FERRY3: variants seen among roughly 807,000 people sequenced by gnomAD.
The protein encoded by FERRY3 is protein C12orf4.
chr12:4,491,255 TAA>T, the FERRY3 span: 1 of 1,598,290 alleles, frequency 6.3e-7, no homozygotes, highest in Middle Eastern at 1.7e-4. Context: ...AAACAAAACA[TAA>T]GATATGTTTT....
At chr12:4,531,672 C>G in the FERRY3 span, among the ~76,000 whole-genome samples, 2 of 152,210 alleles carry the variant, frequency 1.3e-5, no homozygotes, top group African/African-American at 4.8e-5. Context: ...CCTCCACTTT[C>G]AGGCATAACG....
chr12:4,534,034 TATAGA>T, the FERRY3 span: 4 of 1,066,354 alleles, frequency 3.8e-6, no homozygotes, highest in Non-Finnish European at 3.9e-6. Context: ...ACATATACAT[TATAGA>T]ATATTGTATG....
the FERRY3 span, among the ~76,000 whole-genome samples, chr12:4,521,578 C>T: frequency 3.9e-5 from 6 of 152,008 alleles, no homozygotes; most frequent in Non-Finnish European, 8.8e-5. Flanking sequence ...TAGCAAAGAG[C>T]GAAAACAATT....
At chr12:4,515,719 A>C in the FERRY3 span, among the ~76,000 whole-genome samples, 2 of 152,216 alleles carry the variant, frequency 1.3e-5, no homozygotes, top group Non-Finnish European at 2.9e-5. Context: ...TTAGTTCTGG[A>C]AATCTAATGT....
chr12:4,511,468 A>G, the FERRY3 span, among the ~76,000 whole-genome samples: 18 of 152,068 alleles, frequency 1.2e-4, no homozygotes, highest in African/African-American at 4.1e-4. Flanking sequence ...ACCTATTCCA[A>G]AATTGACCAC....
the FERRY3 span, chr12:4,489,603 CTTTAAGTG>C: frequency 2.7e-6 from 1 of 373,948 alleles, no homozygotes; most frequent in Non-Finnish European, 4.8e-6. Context: ...CATAAAGAGA[CTTTAAGTG>C]TTTAAGTTAG....
the FERRY3 span, among the ~76,000 whole-genome samples, chr12:4,536,383 A>C: frequency 6.6e-6 from 1 of 152,098 alleles, no homozygotes. Flanking sequence ...TCATGATGAA[A>C]ACAAAGTGCT....
chr12:4,504,170 A>AAT, the FERRY3 span, among the ~76,000 whole-genome samples: 1 of 152,342 alleles, frequency 6.6e-6, no homozygotes, highest in East Asian at 1.9e-4. Context: ...CAATGGGTAC[A>AAT]ATATTGGCTT....
chr12:4,504,041 G>A, the FERRY3 span, among the ~76,000 whole-genome samples: 11 of 152,208 alleles, frequency 7.2e-5, no homozygotes, highest in Admixed American at 3.9e-4. Flanking sequence ...ACACAGTGGA[G>A]GAAACAGCAT....
chr12:4,516,956 A>T, the FERRY3 span: 11,744 of 1,030,668 alleles, frequency 0.011, 969 homozygotes, highest in African/African-American at 0.18. Context: ...TTTGTTTTTA[A>T]TTTCCTATCT....
the FERRY3 span, chr12:4,518,311 A>G: frequency 6.7e-7 from 1 of 1,484,276 alleles, no homozygotes; most frequent in Non-Finnish European, 9.4e-7. Context: ...AAAGTCCAGT[A>G]TAACAAGATG....
the FERRY3 span, chr12:4,525,108 AGGT>A: frequency 3.1e-6 from 3 of 961,160 alleles, no homozygotes; most frequent in Non-Finnish European, 4.6e-6. Flanking sequence ...ATAATGCAAA[AGGT>A]GGTAAAAGCA....
the FERRY3 span, chr12:4,499,998 C>T: frequency 5.4e-6 from 4 of 734,588 alleles, no homozygotes; most frequent in Admixed American, 5.5e-5. Flanking sequence ...ATATTTCACT[C>T]GATTCTACTA....
At chr12:4,522,134 T>C in the FERRY3 span, among the ~76,000 whole-genome samples, 1 of 152,182 alleles carries the variant, frequency 6.6e-6, no homozygotes, top group Non-Finnish European at 1.5e-5. Context: ...ATGCTGATAA[T>C]GGGGAAGACT....
At chr12:4,534,136 C>G in the FERRY3 span, 3 of 1,533,068 alleles carry the variant, frequency 2.0e-6, no homozygotes, top group East Asian at 7.1e-5. Flanking sequence ...TTGAAATTTA[C>G]AATCTGACCT....
the FERRY3 span, chr12:4,535,929 A>G: frequency 9.0e-7 from 1 of 1,113,200 alleles, no homozygotes; most frequent in Non-Finnish European, 1.2e-6. This position sits in a 1 kb window ranked among gnomAD's most constrained non-coding sequence, Gnocchi z 4.0. Flanking sequence ...AAAGCTTCTT[A>G]GGTTTATGCT....
At chr12:4,534,824 T>C in the FERRY3 span, among the ~76,000 whole-genome samples, 1 of 152,324 alleles carries the variant, frequency 6.6e-6, no homozygotes, top group African/African-American at 2.4e-5. Context: ...GGCTATTGCA[T>C]AGAGAAAGGT....
At chr12:4,500,190 T>C in the FERRY3 span, 2 of 1,614,146 alleles carry the variant, frequency 1.2e-6, no homozygotes, top group Non-Finnish European at 1.7e-6. Flanking sequence ...TGTGATGTCA[T>C]GGGTACAGCA....
chr12:4,507,231 G>A, the FERRY3 span, among the ~76,000 whole-genome samples: 21 of 152,104 alleles, frequency 1.4e-4, no homozygotes, highest in African/African-American at 3.4e-4. Flanking sequence ...TAGTTTGTAC[G>A]AGAAGAAGGA....
Sources: allele counts gnomAD v4.1 joint callset (sites outside exome capture counted in the v4.1 genomes callset), GRCh38; gene constraint gnomAD v4.1.1; non-coding constraint Gnocchi (gnomAD v3.1); transcripts MANE v1.5; gene names NCBI Gene and HGNC (gene_info 2026-07-23, HGNC 2026-07-21).